Variants in CRACR2A observed in about 807,000 individuals in gnomAD.
The protein encoded by CRACR2A is calcium release activated channel regulator 2A.
A neutral mutation model predicts 90.5 loss-of-function variants in CRACR2A; 79 were observed. The observed-to-expected ratio is 0.87, with a 90% CI of 0.73 to 1.05. The LOEUF (loss-of-function observed/expected upper bound fraction) is 1.05, where lower values mean the gene tolerates loss of function less well. CRACR2A is among the 50% of genes least tolerant of loss of function. CRACR2A has a pLI of 0.00. For synonymous variants in CRACR2A, 338 were observed against 356.7 expected (o/e 0.95, Z 0.59); for missense variants, 823 against 897.2 (o/e 0.92, Z 1.06).
intron 2 of CRACR2A, among the ~76,000 whole-genome samples, chr12:3,722,574 G>A (rs142366773): frequency 1.2e-4 from 19 of 152,304 alleles, no homozygotes; most frequent in African/African-American, 4.6e-4. Context: ...ACTTACAGCT[G>A]AGGGGTGATG....
At chr12:3,690,419 C>T (rs537388741) in intron 4 of CRACR2A, among the ~76,000 whole-genome samples, 1 of 152,218 alleles carries the variant, frequency 6.6e-6, no homozygotes, top group South Asian at 2.1e-4. Context: ...TTTAATTACC[C>T]CAAAGTCATT....
intron 1 of CRACR2A, among the ~76,000 whole-genome samples, chr12:3,745,575 ACCAT>A (rs1946599619): frequency 6.6e-6 from 1 of 151,892 alleles, no homozygotes; most frequent in East Asian, 1.9e-4. Flanking sequence ...GGAGTTTGAG[ACCAT>A]CCTGGCCAAG....
intron 11 of CRACR2A, 190 bp downstream of exon 11, chr12:3,648,351 TA>T: frequency 6.7e-7 from 1 of 1,499,628 alleles, no homozygotes; most frequent in Non-Finnish European, 8.9e-7. Flanking sequence ...GGCGCATGTG[TA>T]AACGGACCAA....
intron 8 of CRACR2A, among the ~76,000 whole-genome samples, chr12:3,657,338 G>GC (rs1326627180): frequency 6.6e-6 from 1 of 152,212 alleles, no homozygotes; most frequent in Non-Finnish European, 1.5e-5. Flanking sequence ...CACTACCGGA[G>GC]CCCCCTGGGG....
At chr12:3,666,658 C>T (rs896064400) in intron 7 of CRACR2A, among the ~76,000 whole-genome samples, 4 of 152,226 alleles carry the variant, frequency 2.6e-5, no homozygotes, top group East Asian at 3.9e-4. Context: ...GGTGCTACGC[C>T]GGAGCGAGGC....
chr12:3,638,333 G>C lies in CRACR2A; in HGVS notation c.1393C>G (p.Pro465Ala), dbSNP rs1333629609. Residue 465 changes from proline to alanine, a missense_variant, in exon 14 of 20, where the codon CCC becomes GCC. Coordinates refer to ENST00000440314, the MANE Select transcript of CRACR2A (RefSeq NM_001144958.2). ...GAGATGATTCTGCGGAGCGGCCGGG[G>C]GTACGGACCCCCAGGCCCTGGCTCC... The part of the protein sequence containing the change: ...TGEPGPGGPY[P>A]RPLRRIISVE... 4.5e-6 allele frequency: 7 copies of C among 1,551,194 alleles called. No homozygotes were observed. The highest frequency in any genetic ancestry group is 6.1e-6 in the Non-Finnish European group (7 of 1,146,606).
chr12:3,672,610 C>G (rs779347231), intron 7 of CRACR2A: 8 of 302,942 alleles, frequency 2.6e-5, no homozygotes, highest in Non-Finnish European at 3.9e-5. Flanking sequence ...TCATAAAATG[C>G]GAGCTCATGG....
At chr12:3,703,157 CT>C (rs1379897896) in intron 3 of CRACR2A, among the ~76,000 whole-genome samples, 7 of 152,194 alleles carry the variant, frequency 4.6e-5, no homozygotes, top group South Asian at 2.1e-4. Flanking sequence ...GGCGCGATCT[CT>C]GGCTTACTGC....
At chr12:3,739,442 A>G (rs1946491861) in intron 1 of CRACR2A, among the ~76,000 whole-genome samples, 1 of 152,246 alleles carries the variant, frequency 6.6e-6, no homozygotes, top group African/African-American at 2.4e-5. Flanking sequence ...TTAATTTCTT[A>G]TCCCTTTTAA....
In CRACR2A at chr12:3,692,954, TC is replaced by T. The variant is rs369974260; in HGVS notation, c.228+3817del. ...TTTCACTTCTGTGGCAGTGTTGGCATCAGAGTGGGGCACTGGTGAGGGTGTG... is the reference window on the plus strand; with the variant it reads ...TTTCACTTCTGTGGCAGTGTTGGCATAGAGTGGGGCACTGGTGAGGGTGTG... On this transcript the variant is annotated intron_variant, in intron 4 of 19. Transcript: ENST00000440314. Among the ~76,000 whole-genome samples the T allele has an allele frequency of 4.9e-4, 75 of 152,258 alleles. No individual in the cohort carries two copies. The East Asian group carries it at 0.014, about 27-fold the overall frequency.
chr12:3,648,584 T>C lies in CRACR2A; in HGVS notation c.1076A>G (p.Gln359Arg). 1 of 1,614,128 alleles carries C rather than the reference T, an allele frequency of 6.2e-7. No individual in the cohort carries two copies. The highest frequency in any genetic ancestry group is 8.5e-7 in the Non-Finnish European group (1 of 1,180,006). Reference protein sequence around the residue: ...MEVYRVTESLQREKAGLLKQL... With the variant: ...MEVYRVTESLRREKAGLLKQL... ...CTTGAGGAGCCCGGCCTTCTCACGC[T>C]GTAGACTCTCCGTCACACGGTACAC... The change falls in exon 11 of 20, where the codon CAG (glutamine) becomes CGG (arginine). Residue 359 changes from glutamine (Q) to arginine (R), a missense_variant. By Grantham distance (43) the Gln-to-Arg change is conservative (BLOSUM62 1). Coordinates refer to ENST00000440314, the MANE Select transcript of CRACR2A (RefSeq NM_001144958.2).
At chr12:3,639,960 G>A (rs900156844) in intron 13 of CRACR2A, among the ~76,000 whole-genome samples, 1 of 152,138 alleles carries the variant, frequency 6.6e-6, no homozygotes, top group African/African-American at 2.4e-5. Flanking sequence ...ACACACACAA[G>A]TGACTATTTG....
intron 2 of CRACR2A, among the ~76,000 whole-genome samples, chr12:3,718,521 T>C (rs1432971082): frequency 6.6e-6 from 1 of 152,206 alleles, no homozygotes; most frequent in African/African-American, 2.4e-5. Context: ...GCACTTGAAC[T>C]GTGGACAGTC....
chr12:3,738,583 C>A (rs913635787), intron 1 of CRACR2A, among the ~76,000 whole-genome samples: 1 of 151,844 alleles, frequency 6.6e-6, no homozygotes, highest in African/African-American at 2.4e-5. Flanking sequence ...ATAAATTAAC[C>A]AAAATGCAGC....
At chr12:3,750,914 C>A (rs1392968668) in intron 1 of CRACR2A, among the ~76,000 whole-genome samples, 2 of 152,200 alleles carry the variant, frequency 1.3e-5, no homozygotes, top group African/African-American at 4.8e-5. Flanking sequence ...CACAGCGTGA[C>A]GCATCTCCAA....
At chr12:3,635,105 T>C (rs974499091) in intron 14 of CRACR2A, among the ~76,000 whole-genome samples, 14 of 152,216 alleles carry the variant, frequency 9.2e-5, no homozygotes, top group African/African-American at 2.9e-4. Flanking sequence ...CTTAGCCCTG[T>C]GACCACTGCC....
chr12:3,729,505 C>T (rs241968), intron 2 of CRACR2A: 19,747 of 152,168 alleles, frequency 0.13, 1,375 homozygotes, highest in South Asian at 0.21. Flanking sequence ...GAGATCAAGA[C>T]CATCCTGGCC....
intron 3 of CRACR2A, among the ~76,000 whole-genome samples, chr12:3,698,056 G>C (rs182848532): frequency 8.8e-4 from 134 of 152,182 alleles, no homozygotes; most frequent in Non-Finnish European, 7.2e-4. Flanking sequence ...TGTCTTTAAG[G>C]TCCCTTCTAG....
In CRACR2A at chr12:3,636,192, T is replaced by C. The variant is rs535850208; in HGVS notation, c.1602+1932A>G. Among the ~76,000 whole-genome samples the C allele has an allele frequency of 3.3e-5, 5 of 152,364 alleles. No homozygotes were observed. The South Asian group carries it at 8.3e-4, about 25-fold the overall frequency. On this transcript the variant is annotated intron_variant, in intron 14 of 19. Transcript: ENST00000440314. ...AGAAGTGCTGGTTCAAAGGATATGG[T>C]ATTTTTAAGTTTTTGATTCATATTA... is the stretch of plus-strand genomic sequence containing the variant.
Sources: allele counts gnomAD v4.1 joint callset (sites outside exome capture counted in the v4.1 genomes callset), GRCh38; gene constraint gnomAD v4.1.1; transcripts MANE v1.5; gene names NCBI Gene and HGNC (gene_info 2026-07-23, HGNC 2026-07-21).